The following FAAH2 variants were observed in gnomAD, a reference collection of about 807,000 sequenced individuals.
The protein encoded by FAAH2 is fatty-acid amide hydrolase 2.
Under a neutral mutation model 36.9 loss-of-function variants are expected in FAAH2, and 60 were observed. That is an observed-to-expected ratio of 1.63 (90% CI 1.32 to 2.02). FAAH2 has a LOEUF of 2.02. Among genes scored for constraint, FAAH2 ranks in the 30% most tolerant of loss-of-function variants. The probability of loss-of-function intolerance (pLI) is 0.00; values close to 1 mark genes in which losing one functional copy is unlikely to be tolerated. For synonymous variants in FAAH2, 214 were observed against 143.8 expected (o/e 1.49, Z -3.49); for missense variants, 689 against 397.5 (o/e 1.73, Z -6.23).
chrX:57,434,517 G>A (rs2056370099), intron 8 of FAAH2, among the ~76,000 whole-genome samples: 1 of 109,011 alleles, frequency 9.2e-6, no homozygotes, highest in Admixed American at 1.0e-4. Context: ...CATTGAAGGG[G>A]TTACAAAAAC....
the FAAH2 span, among the ~76,000 whole-genome samples, chrX:57,175,770 A>T: frequency 9.0e-6 from 1 of 111,550 alleles, no homozygotes; most frequent in African/African-American, 3.3e-5. Flanking sequence ...TCTAGTGTTG[A>T]TGGATAACCT....
At chrX:57,400,931 G>A (rs1255329739) in intron 7 of FAAH2, among the ~76,000 whole-genome samples, 1 of 110,865 alleles carries the variant, frequency 9.0e-6, no homozygotes, top group Non-Finnish European at 1.9e-5. Context: ...GACCATCCTG[G>A]CCAACACAGT....
the FAAH2 span, among the ~76,000 whole-genome samples, chrX:57,266,773 C>T: frequency 8.9e-5 from 10 of 112,179 alleles, no homozygotes; most frequent in African/African-American, 2.3e-4. Context: ...GGGATGGAGG[C>T]TCCAGGAGAC....
intron 7 of FAAH2, among the ~76,000 whole-genome samples, chrX:57,425,425 T>C (rs1602620928): frequency 9.0e-6 from 1 of 111,468 alleles, no homozygotes; most frequent in Non-Finnish European, 1.9e-5. Flanking sequence ...ATAACCAGAC[T>C]ACAATTGAAG....
the FAAH2 span, among the ~76,000 whole-genome samples, chrX:57,151,400 A>G: frequency 2.1e-4 from 24 of 111,904 alleles, no homozygotes; most frequent in Non-Finnish European, 2.8e-4. Context: ...AGGTACACCA[A>G]TCAGACATAG....
At chrX:57,173,820 G>A in the FAAH2 span, among the ~76,000 whole-genome samples, 2 of 111,627 alleles carry the variant, frequency 1.8e-5, no homozygotes, top group African/African-American at 6.5e-5. Context: ...TATTTATTGA[G>A]ATAATCATGT....
the FAAH2 span, among the ~76,000 whole-genome samples, chrX:57,150,511 G>C: frequency 8.9e-6 from 1 of 112,108 alleles, no homozygotes; most frequent in South Asian, 3.7e-4. Flanking sequence ...TTTCTATTAT[G>C]TAATGGTCTT....
At chrX:57,483,279 C>A (rs942219775) in intron 10 of FAAH2, among the ~76,000 whole-genome samples, 2 of 111,182 alleles carry the variant, frequency 1.8e-5, no homozygotes, top group African/African-American at 6.5e-5. Flanking sequence ...CTCTGAAATT[C>A]TTTCTTCTAC....
At chrX:57,150,158 C>T in the FAAH2 span, among the ~76,000 whole-genome samples, 2 of 111,924 alleles carry the variant, frequency 1.8e-5, no homozygotes, top group Non-Finnish European at 3.8e-5. Context: ...TTTGCATTTG[C>T]TGAGGATTGC....
chrX:57,301,069 C>G (rs1479016977), intron 2 of FAAH2, among the ~76,000 whole-genome samples: 1 of 109,496 alleles, frequency 9.1e-6, no homozygotes, highest in Non-Finnish European at 1.9e-5. Flanking sequence ...CCTCAGGGAT[C>G]TAGAACTAGA....
intron 5 of FAAH2, among the ~76,000 whole-genome samples, chrX:57,374,827 A>G (rs1333787544): frequency 9.0e-6 from 1 of 110,997 alleles, no homozygotes; most frequent in Non-Finnish European, 1.9e-5. Flanking sequence ...CCCGTTCAGT[A>G]TTATGTTGGC....
At chrX:57,476,159 T>A (rs977817453) in intron 10 of FAAH2, among the ~76,000 whole-genome samples, 2 of 111,574 alleles carry the variant, frequency 1.8e-5, no homozygotes, top group African/African-American at 6.5e-5. Flanking sequence ...CAATTTGACT[T>A]CCTCTTTTTC....
chrX:57,191,940 G>A, the FAAH2 span, among the ~76,000 whole-genome samples: 3 of 111,370 alleles, frequency 2.7e-5, no homozygotes, highest in African/African-American at 9.8e-5. Context: ...TTTTTGCTTA[G>A]GATAGGCTAT....
intron 7 of FAAH2, chrX:57,394,325 AC>A: frequency 1.8e-6 from 2 of 1,092,728 alleles, no homozygotes; most frequent in Non-Finnish European, 2.5e-6. Flanking sequence ...TATTCCAGTC[AC>A]CACCTGATAT....
the FAAH2 span, among the ~76,000 whole-genome samples, chrX:57,202,614 G>A: frequency 3.6e-5 from 4 of 111,443 alleles, no homozygotes; most frequent in Non-Finnish European, 5.6e-5. Flanking sequence ...GTTCTTGCCC[G>A]AGGCCTGCTG....
intron 10 of FAAH2, chrX:57,452,151 C>A (rs2056796446): frequency 2.7e-6 from 2 of 752,539 alleles, no homozygotes; most frequent in South Asian, 6.8e-5. Context: ...TCAAAGATCT[C>A]TTGGACCATT....
intron 10 of FAAH2, among the ~76,000 whole-genome samples, chrX:57,476,294 T>G (rs2057266031): frequency 9.0e-6 from 1 of 111,201 alleles, no homozygotes; most frequent in Non-Finnish European, 1.9e-5. Flanking sequence ...AGGGAATGCT[T>G]CCAGCTTTTA....
At chrX:57,203,014 C>T in the FAAH2 span, among the ~76,000 whole-genome samples, 1 of 111,870 alleles carries the variant, frequency 8.9e-6, no homozygotes, top group Non-Finnish European at 1.9e-5. Context: ...GCTGCATGGC[C>T]TAGTGCTGAC....
the FAAH2 span, among the ~76,000 whole-genome samples, chrX:57,182,447 G>T: frequency 1.8e-5 from 2 of 111,615 alleles, no homozygotes; most frequent in African/African-American, 6.5e-5. Flanking sequence ...CAGCCAACAA[G>T]CATATAGAAA....
Sources: gnomAD v4.1 joint callset for allele counts (sites outside exome capture counted in the v4.1 genomes callset) on GRCh38, gnomAD v4.1.1 for gene constraint, MANE v1.5 for transcripts, NCBI Gene and HGNC (gene_info 2026-07-23, HGNC 2026-07-21) for gene names.